The following UBASH3B variants were observed in gnomAD, a reference collection of about 807,000 sequenced individuals.
UBASH3B encodes the protein ubiquitin-associated and SH3 domain-containing protein B.
UBASH3B carries 37 observed loss-of-function variants against 83.4 expected under a neutral mutation model. That is an observed-to-expected ratio of 0.44 (90% confidence interval 0.34 to 0.58). The LOEUF is 0.58. Ranked by LOEUF, UBASH3B falls within the 20% of genes least tolerant of loss-of-function variation. UBASH3B has a pLI of 0.01. For synonymous variants in UBASH3B, 304 were observed against 318.3 expected, an observed-to-expected ratio of 0.96 and a Z score of 0.48; for missense variants, 657 against 827.2, an observed-to-expected ratio of 0.79 and a Z score of 2.52.
At chr11:122,720,475 G>A (rs1248250821) in intron 1 of UBASH3B, among the ~76,000 whole-genome samples, 1 of 152,186 alleles carries the variant, frequency 6.6e-6, no homozygotes, top group Non-Finnish European at 1.5e-5. Flanking sequence ...CTTTCAAAGT[G>A]TAAGGCAGAT....
At chr11:122,752,005 AG>A (rs1861207120) in intron 1 of UBASH3B, among the ~76,000 whole-genome samples, 1 of 152,246 alleles carries the variant, frequency 6.6e-6, no homozygotes, top group South Asian at 2.1e-4. Flanking sequence ...GTATAAAAAA[AG>A]GGAAAATTAA....
At chr11:122,716,996 A>G (rs1860536538) in intron 1 of UBASH3B, among the ~76,000 whole-genome samples, 1 of 152,084 alleles carries the variant, frequency 6.6e-6, no homozygotes, top group South Asian at 2.1e-4. Flanking sequence ...TGATGCCTTA[A>G]TTTCCCATAG....
intron 1 of UBASH3B, among the ~76,000 whole-genome samples, chr11:122,728,912 G>A (rs1169238394): frequency 6.6e-6 from 1 of 152,204 alleles, no homozygotes. Flanking sequence ...TCTCACTTTG[G>A]AAGTAAAGAA....
intron 9 of UBASH3B, 91 bp downstream of exon 9, chr11:122,797,124 G>C: frequency 6.8e-7 from 1 of 1,478,462 alleles, no homozygotes; most frequent in Non-Finnish European, 9.1e-7. Flanking sequence ...CTTCCTGTGG[G>C]TTTCTATAAC....
intron 1 of UBASH3B, among the ~76,000 whole-genome samples, chr11:122,682,984 G>A (rs776808024): frequency 3.9e-5 from 6 of 152,022 alleles, no homozygotes; most frequent in Non-Finnish European, 8.8e-5. Flanking sequence ...GGTGGCTTAT[G>A]CCTGTAATCA....
At chr11:122,679,334 C>CT (rs1245924387) in intron 1 of UBASH3B, among the ~76,000 whole-genome samples, 1 of 152,190 alleles carries the variant, frequency 6.6e-6, no homozygotes, top group Non-Finnish European at 1.5e-5. Context: ...ACTAGGGAGT[C>CT]TCAGTTTATT....
chr11:122,788,948 A>T, intron 5 of UBASH3B, 152 bp from the exon 6 acceptor site: 1 of 665,178 alleles, frequency 1.5e-6, no homozygotes, highest in South Asian at 1.9e-5. Flanking sequence ...ATAGGAATTC[A>T]CATCTACTCA....
chr11:122,662,972 C>CTTTTTTTTTT lies in UBASH3B; in HGVS notation c.161+6775_161+6784dup, dbSNP rs568564848. Among the ~76,000 whole-genome samples the CTTTTTTTTTT allele has an allele frequency of 2.2e-4, 24 of 110,584 alleles. 2 individuals are homozygous for CTTTTTTTTTT. The highest frequency in any genetic ancestry group is 8.1e-4 in the African/African-American group (22 of 27,264). The allele number at this position is 110,584 out of a possible 152,430, so 72.5% of individuals were successfully genotyped here. ...AAAATTCCCTCTTACGCGCTAATGTCTTTTTTTTTTTTTTTTTTTTTTGAG... is the reference window on the plus strand; with the variant it reads ...AAAATTCCCTCTTACGCGCTAATGTCTTTTTTTTTTTTTTTTTTTTTTTTTTTTTTTTGAG... On this transcript the variant is annotated intron_variant, in intron 1 of 13. Transcript: ENST00000284273.
chr11:122,761,637 A>T (rs1014191269), intron 1 of UBASH3B, among the ~76,000 whole-genome samples: 6 of 152,124 alleles, frequency 3.9e-5, no homozygotes, highest in Non-Finnish European at 1.5e-5. Flanking sequence ...GAAGGACTAA[A>T]AATTACCCAA....
At chr11:122,690,723 C>T (rs537978506) in intron 1 of UBASH3B, among the ~76,000 whole-genome samples, 34 of 152,280 alleles carry the variant, frequency 2.2e-4, no homozygotes, top group Middle Eastern at 6.8e-3. Flanking sequence ...CCAAAACTCA[C>T]GCTTGTTGCC....
chr11:122,709,056 G>C (rs947731997), intron 1 of UBASH3B, among the ~76,000 whole-genome samples: 3 of 152,208 alleles, frequency 2.0e-5, no homozygotes, highest in African/African-American at 7.2e-5. Context: ...AGACCAGCCT[G>C]GGCAACATGG....
At chr11:122,717,216 G>A (rs965873935) in intron 1 of UBASH3B, among the ~76,000 whole-genome samples, 1 of 152,120 alleles carries the variant, frequency 6.6e-6, no homozygotes, top group Non-Finnish European at 1.5e-5. Context: ...CCAGAGACAT[G>A]GAGATTCTCT....
intron 1 of UBASH3B, among the ~76,000 whole-genome samples, chr11:122,705,310 G>C (rs533385254): frequency 1.3e-4 from 20 of 152,076 alleles, no homozygotes; most frequent in Non-Finnish European, 2.1e-4. Flanking sequence ...GCCGGGTGTG[G>C]TGGCATGTGC....
chr11:122,796,588 C>G (rs529257343), intron 8 of UBASH3B, among the ~76,000 whole-genome samples: 3 of 152,194 alleles, frequency 2.0e-5, no homozygotes, highest in African/African-American at 7.2e-5. Flanking sequence ...CTCCCTGGCT[C>G]GCTCGGTTCC....
intron 4 of UBASH3B, chr11:122,782,230 G>C (rs561712165): frequency 1.5e-5 from 2 of 132,790 alleles, no homozygotes; most frequent in South Asian, 5.2e-4. Flanking sequence ...AACAGAGAAA[G>C]ACCCTGTCTC....
chr11:122,675,809 C>T (rs961904421), intron 1 of UBASH3B, among the ~76,000 whole-genome samples: 3 of 152,150 alleles, frequency 2.0e-5, no homozygotes, highest in Non-Finnish European at 4.4e-5. Flanking sequence ...AGCCCATTTT[C>T]CTCCAGTTTG....
At chr11:122,717,241 T>G (rs1031025808) in intron 1 of UBASH3B, among the ~76,000 whole-genome samples, 1 of 152,194 alleles carries the variant, frequency 6.6e-6, no homozygotes, top group African/African-American at 2.4e-5. Flanking sequence ...TTCTCCCACC[T>G]AAGGCCTTCC....
chr11:122,712,520 A>C (rs192775303), intron 1 of UBASH3B, among the ~76,000 whole-genome samples: 86 of 152,280 alleles, frequency 5.6e-4, no homozygotes, highest in African/African-American at 2.1e-3. Context: ...AGTAATAGGC[A>C]TAAACCAGGG....
chr11:122,692,475 A>G (rs949803607), intron 1 of UBASH3B, among the ~76,000 whole-genome samples: 1 of 152,224 alleles, frequency 6.6e-6, no homozygotes, highest in Non-Finnish European at 1.5e-5. Context: ...GAAACAAAGA[A>G]TTGCAGAGAT....
Sources: allele counts gnomAD v4.1 joint callset (sites outside exome capture counted in the v4.1 genomes callset), GRCh38; gene constraint gnomAD v4.1.1; transcripts MANE v1.5; gene names NCBI Gene and HGNC (gene_info 2026-07-23, HGNC 2026-07-21).